Variants in DYNC2LI1 observed in about 807,000 individuals in gnomAD.
DYNC2LI1 encodes the protein dynein cytoplasmic 2 light intermediate chain 1.
A neutral mutation model predicts 51.9 loss-of-function variants in DYNC2LI1; 45 were observed. The ratio of observed to expected loss-of-function variants is 0.87; its 90% CI spans 0.68 to 1.11. The LOEUF (loss-of-function observed/expected upper bound fraction) is 1.11. DYNC2LI1 is among the 50% of genes most tolerant of loss of function. The pLI is 0.00. For synonymous variants in DYNC2LI1, 130 were observed against 137.8 expected (o/e 0.94, Z 0.40); for missense variants, 490 against 417.4 (o/e 1.17, Z -1.51).
Position 43,794,470 on chromosome 2 carries a change from G to T in DYNC2LI1, c.334G>T (p.Val112Phe). ...TTATTTCTTTAGGACGTTTTCTCTT[G>T]TTCTCGTTCTGGATCTTTCAAAACC... ...TGDTLRTFSL[V>F]LVLDLSKPND... The change falls in exon 6 of 13, where the codon GTT becomes TTT. Residue 112 changes from valine to phenylalanine, a missense_variant. Physicochemically the swap from Val to Phe is conservative, Grantham distance 50 (BLOSUM62 -1). Transcript: ENST00000260605. 2 of 1,609,344 alleles carry T rather than the reference G, an allele frequency of 1.2e-6. No homozygotes were observed. Among genetic ancestry groups the T allele is most frequent in the Non-Finnish European group, 1.7e-6 (2 of 1,177,840 alleles).
At chr2:43,818,180 G>A in the DYNC2LI1 span, among the ~76,000 whole-genome samples, 6 of 152,232 alleles carry the variant, frequency 3.9e-5, no homozygotes, top group East Asian at 1.9e-4. Flanking sequence ...GGTTGGCTGC[G>A]GTGGCTCACA....
intron 6 of DYNC2LI1, 90 bp downstream of exon 6, chr2:43,794,733 C>T: frequency 1.2e-6 from 2 of 1,600,868 alleles, no homozygotes; most frequent in South Asian, 1.1e-5. Context: ...GATTTTTATG[C>T]ATGACTTGAA....
At chr2:43,822,792 C>A in the DYNC2LI1 span, 3 of 1,614,138 alleles carry the variant, frequency 1.9e-6, no homozygotes, top group Non-Finnish European at 2.5e-6. Context: ...TGAACAACCC[C>A]TCACCAGTAG....
At chr2:43,800,605 A>T (rs1266734169) in intron 8 of DYNC2LI1, among the ~76,000 whole-genome samples, 1 of 152,194 alleles carries the variant, frequency 6.6e-6, no homozygotes, top group Non-Finnish European at 1.5e-5. Flanking sequence ...TGAAATGATG[A>T]GTACATAAAC....
the DYNC2LI1 span, chr2:43,822,474 C>CAG: frequency 1.4e-6 from 1 of 708,452 alleles, no homozygotes; most frequent in Non-Finnish European, 1.7e-6. Flanking sequence ...CTCCCCTCCC[C>CAG]CAGGCCCCCC....
At chr2:43,813,377 C>G, downstream of DYNC2LI1, 1 of 1,154,586 alleles carries the variant, frequency 8.7e-7, no homozygotes, top group Admixed American at 1.9e-5. Flanking sequence ...CAAGTATTTA[C>G]CAAGCGCTTG....
At chr2:43,782,011 A>ATGTGTGTGTG (rs72178749) in intron 2 of DYNC2LI1, among the ~76,000 whole-genome samples, 71 of 148,638 alleles carry the variant, frequency 4.8e-4, no homozygotes, top group African/African-American at 1.4e-3. Flanking sequence ...GTTTCTGTCT[A>ATGTGTGTGTG]TGTGTGTGTG....
intron 6 of DYNC2LI1, 27 bp from the exon 7 acceptor site, chr2:43,795,863 A>T (rs1483141542): frequency 6.3e-7 from 1 of 1,584,466 alleles, no homozygotes; most frequent in East Asian, 2.2e-5. Flanking sequence ...GAATTACAAC[A>T]ACTCAAGGAA....
At chr2:43,792,960 C>T (rs1466958302) in intron 5 of DYNC2LI1, 1 of 614,260 alleles carries the variant, frequency 1.6e-6, no homozygotes. Flanking sequence ...CTGGTATGAA[C>T]ATTGGTGTAC....
intron 1 of DYNC2LI1, among the ~76,000 whole-genome samples, chr2:43,775,511 C>T (rs143118139): frequency 4.6e-4 from 69 of 148,394 alleles, no homozygotes; most frequent in African/African-American, 1.4e-3. Flanking sequence ...TTTTTTTTGG[C>T]GGGGGGAGAC....
chr2:43,803,265 C>A (rs1666133438), intron 10 of DYNC2LI1, among the ~76,000 whole-genome samples: 1 of 152,100 alleles, frequency 6.6e-6, no homozygotes, highest in African/African-American at 2.4e-5. Context: ...AACCTAGAAA[C>A]AGCCCAGAAG....
At chr2:43,820,361 T>C in the DYNC2LI1 span, among the ~76,000 whole-genome samples, 1 of 152,186 alleles carries the variant, frequency 6.6e-6, no homozygotes, top group Non-Finnish European at 1.5e-5. Context: ...AGGAAAACAT[T>C]AAATTACTTA....
At chr2:43,786,415 C>G (rs951216010) in intron 3 of DYNC2LI1, among the ~76,000 whole-genome samples, 1 of 152,102 alleles carries the variant, frequency 6.6e-6, no homozygotes, top group African/African-American at 2.4e-5. Context: ...CTCATGGACT[C>G]AAGCAATTTA....
At chr2:43,813,110 C>T, downstream of DYNC2LI1, 3 of 1,111,116 alleles carry the variant, frequency 2.7e-6, no homozygotes, top group Non-Finnish European at 4.2e-6. Context: ...CCAGCCATGG[C>T]TTTCACTACC....
At chr2:43,798,596 G>A (rs532808461) in intron 8 of DYNC2LI1, among the ~76,000 whole-genome samples, 2 of 152,288 alleles carry the variant, frequency 1.3e-5, no homozygotes, top group Non-Finnish European at 2.9e-5. Flanking sequence ...TGGTCTCATG[G>A]GTACAAATTT....
chr2:43,778,858 A>G (rs992109033), intron 2 of DYNC2LI1, among the ~76,000 whole-genome samples: 10 of 152,158 alleles, frequency 6.6e-5, no homozygotes, highest in African/African-American at 1.9e-4. Flanking sequence ...AATATGTGGC[A>G]TATACAAACT....
chr2:43,809,601 T>A (rs537879519), intron 12 of DYNC2LI1, 104 bp from the exon 13 acceptor site: 1 of 738,248 alleles, frequency 1.4e-6, no homozygotes, highest in East Asian at 2.7e-5. Flanking sequence ...ATAATGCTAC[T>A]AAGGATTCAT....
intron 3 of DYNC2LI1, among the ~76,000 whole-genome samples, chr2:43,784,044 A>G (rs1229765167): frequency 6.6e-6 from 1 of 152,192 alleles, no homozygotes; most frequent in East Asian, 1.9e-4. Flanking sequence ...TAGATGTTTC[A>G]GGAAGCTGAT....
At chr2:43,818,496 T>C in the DYNC2LI1 span, among the ~76,000 whole-genome samples, 1 of 152,086 alleles carries the variant, frequency 6.6e-6, no homozygotes, top group Non-Finnish European at 1.5e-5. Flanking sequence ...AGTATCACTT[T>C]CTCAAAAAAT....
Sources: allele counts gnomAD v4.1 joint callset (sites outside exome capture counted in the v4.1 genomes callset), GRCh38; gene constraint gnomAD v4.1.1; transcripts MANE v1.5; gene names NCBI Gene and HGNC (gene_info 2026-07-23, HGNC 2026-07-21).